Variants in ARPP21 observed in about 807,000 individuals in gnomAD.
ARPP21 encodes the protein cAMP-regulated phosphoprotein 21.
In ARPP21, 69 loss-of-function variants were observed where a neutral mutation model predicts 113.2. That is an observed-to-expected ratio of 0.61 (90% CI 0.50 to 0.74). ARPP21 has a LOEUF of 0.74. ARPP21 is among the 30% of genes least tolerant of loss of function. The pLI is 0.00. For missense variants in ARPP21, 1,070 were observed against 1,037.4 expected, an observed-to-expected ratio of 1.03 and a Z score of -0.43; for synonymous variants, 368 against 375.5, an observed-to-expected ratio of 0.98 and a Z score of 0.23.
chr3:35,720,255 C>T (rs2092922850), intron 13 of ARPP21, among the ~76,000 whole-genome samples: 1 of 152,194 alleles, frequency 6.6e-6, no homozygotes, highest in African/African-American at 2.4e-5. Context: ...CCTCCCTTTG[C>T]TTTACAAAGT....
At chr3:35,746,821 C>T (rs1166623681) in intron 19 of ARPP21, among the ~76,000 whole-genome samples, 1 of 152,210 alleles carries the variant, frequency 6.6e-6, no homozygotes, top group Non-Finnish European at 1.5e-5. Flanking sequence ...ATTGAAATCT[C>T]TGTCAGTTAC....
At chr3:35,656,437 G>A (rs891031305) in intron 1 of ARPP21, among the ~76,000 whole-genome samples, 1 of 152,054 alleles carries the variant, frequency 6.6e-6, no homozygotes, top group African/African-American at 2.4e-5. Flanking sequence ...TTTAGAAGGT[G>A]GATAAACTGC....
intron 1 of ARPP21, among the ~76,000 whole-genome samples, chr3:35,649,335 A>G (rs1701489000): frequency 6.6e-6 from 1 of 152,164 alleles, no homozygotes; most frequent in South Asian, 2.1e-4. Flanking sequence ...TTTCTTCCTC[A>G]GATCTCAGAC....
At chr3:35,652,840 T>A (rs756737250) in intron 1 of ARPP21, among the ~76,000 whole-genome samples, 7 of 152,028 alleles carry the variant, frequency 4.6e-5, no homozygotes, top group Non-Finnish European at 7.4e-5. Flanking sequence ...GATTAGGTCA[T>A]TTGTGCCATT....
rs1284742367 is a variant in ARPP21 at position 35,707,647 on chromosome 3, C to G, written c.795+565C>G. On this transcript the variant is annotated intron_variant, in intron 10 of 20. Coordinates refer to ENST00000684406, the MANE Select transcript of ARPP21 (RefSeq NM_001385562.1). ...CCCTCTCCTTCCCATGTTTTATGGT[C>G]CATGTAAATTGTCTGCTTGTTTTGC... 5 of 416,020 alleles carry G rather than the reference C, an allele frequency of 1.2e-5. No homozygotes were observed. In the East Asian group the frequency reaches 2.9e-4, roughly 24 times the overall value. 25.8% of individuals were successfully genotyped at this position (416,020 alleles called of 1,614,324 possible).
intron 2 of ARPP21, 48 bp from the exon 3 acceptor site, chr3:35,681,666 A>G (rs1018878664): frequency 2.1e-6 from 2 of 930,514 alleles, no homozygotes; most frequent in South Asian, 1.9e-5. Flanking sequence ...AAAGAATGAT[A>G]GTAAATACCT....
chr3:35,682,574 C>A, intron 3 of ARPP21: 1 of 364,740 alleles, frequency 2.7e-6, no homozygotes, highest in East Asian at 4.2e-5. Flanking sequence ...GCATGATGGC[C>A]AAAAAACTTC....
rs550742280 is a variant in ARPP21 at position 35,735,572 on chromosome 3, T to G, written c.1460-1606T>G. 5.9e-5 allele frequency among the ~76,000 whole-genome samples: 9 copies of G among 152,326 alleles called. No homozygotes were observed. The South Asian group carries it at 1.9e-3, about 32-fold the overall frequency. On this transcript the variant is annotated intron_variant, in intron 15 of 20. Coordinates refer to ENST00000684406, the MANE Select transcript of ARPP21 (RefSeq NM_001385562.1). ...ATGCAAGCCTTATGTATCAGAACAA[T>G]GTATGGACTGAGATGCTTTAGAACA...
intron 1 of ARPP21, among the ~76,000 whole-genome samples, chr3:35,653,945 C>A (rs1348829865): frequency 1.3e-5 from 2 of 151,934 alleles, no homozygotes; most frequent in South Asian, 2.1e-4. Flanking sequence ...TTGTCACATT[C>A]TATAGCATTG....
At chr3:35,671,794 T>A (rs1194416742) in intron 1 of ARPP21, among the ~76,000 whole-genome samples, 3 of 151,962 alleles carry the variant, frequency 2.0e-5, no homozygotes, top group African/African-American at 7.2e-5. Flanking sequence ...GACATTGCTT[T>A]ATCTAGTATT....
At chr3:35,789,078 T>C (rs982842300) in intron 19 of ARPP21, among the ~76,000 whole-genome samples, 2 of 152,232 alleles carry the variant, frequency 1.3e-5, no homozygotes, top group Non-Finnish European at 2.9e-5. Flanking sequence ...ACAGGGCAGA[T>C]ACTGTTGCTG....
chr3:35,667,387 C>T (rs778618189), intron 1 of ARPP21, among the ~76,000 whole-genome samples: 2 of 152,058 alleles, frequency 1.3e-5, no homozygotes, highest in Non-Finnish European at 2.9e-5. Flanking sequence ...GATTACGTGT[C>T]ATAATCTCAT....
intron 2 of ARPP21, among the ~76,000 whole-genome samples, 152 bp downstream of exon 2, chr3:35,680,112 C>T (rs899297281): frequency 3.3e-5 from 5 of 151,860 alleles, no homozygotes; most frequent in African/African-American, 1.2e-4. Flanking sequence ...AGAATTAGAG[C>T]TCAATTTGTT....
chr3:35,791,778 A>G (rs1186509931), intron 19 of ARPP21, among the ~76,000 whole-genome samples: 1 of 152,152 alleles, frequency 6.6e-6, no homozygotes, highest in African/African-American at 2.4e-5. Context: ...TAGTGGTGAA[A>G]CAGAAGAAAA....
At chr3:35,765,414 A>G (rs1208044803) in intron 19 of ARPP21, among the ~76,000 whole-genome samples, 5 of 152,268 alleles carry the variant, frequency 3.3e-5, no homozygotes, top group African/African-American at 1.2e-4. Context: ...TAGAAGGGAA[A>G]TGCTGTAATG....
At chr3:35,756,119 A>G (rs963705168) in intron 19 of ARPP21, among the ~76,000 whole-genome samples, 1 of 152,054 alleles carries the variant, frequency 6.6e-6, no homozygotes, top group Non-Finnish European at 1.5e-5. Flanking sequence ...CCAACAGCAT[A>G]AGATCACAGT....
intron 19 of ARPP21, among the ~76,000 whole-genome samples, chr3:35,782,568 A>T (rs1341443870): frequency 1.3e-5 from 2 of 152,104 alleles, no homozygotes; most frequent in Non-Finnish European, 2.9e-5. Flanking sequence ...AAATAGTAGT[A>T]GTAGGTGACA....
chr3:35,710,780 G>C (rs2090884823), intron 11 of ARPP21, among the ~76,000 whole-genome samples: 1 of 152,184 alleles, frequency 6.6e-6, no homozygotes, highest in African/African-American at 2.4e-5. Context: ...GATGACACCT[G>C]TCCTGCTTAT....
intron 1 of ARPP21, among the ~76,000 whole-genome samples, chr3:35,668,936 A>G (rs1203596461): frequency 6.6e-6 from 1 of 152,182 alleles, no homozygotes; most frequent in Non-Finnish European, 1.5e-5. Context: ...TATTCTTAAT[A>G]TAATACTTAA....
Sources: allele counts gnomAD v4.1 joint callset (sites outside exome capture counted in the v4.1 genomes callset), GRCh38; gene constraint gnomAD v4.1.1; transcripts MANE v1.5; gene names NCBI Gene and HGNC (gene_info 2026-07-23, HGNC 2026-07-21).